The following UGT1A5 variants were observed in gnomAD, a reference collection of about 807,000 sequenced individuals.
UGT1A5 encodes the protein UDP-glucuronosyltransferase 1A5.
A neutral mutation model predicts 40.3 loss-of-function variants in UGT1A5; 29 were observed. The ratio of observed to expected loss-of-function variants is 0.72; its 90% CI spans 0.54 to 0.98. The LOEUF (loss-of-function observed/expected upper bound fraction) is 0.98. Ranked by LOEUF, UGT1A5 falls within the 50% of genes least tolerant of loss-of-function variation. The pLI, the probability that UGT1A5 is intolerant of heterozygous loss-of-function variation, is 0.00. For synonymous variants in UGT1A5, 257 were observed against 262.5 expected, an observed-to-expected ratio of 0.98 and a Z score of 0.20; for missense variants, 678 against 677.9, an observed-to-expected ratio of 1.00 and a Z score of 0.00.
At chr2:233,759,776 G>A (rs1697250630) in intron 1 of UGT1A5, among the ~76,000 whole-genome samples, 1 of 152,160 alleles carries the variant, frequency 6.6e-6, no homozygotes, top group African/African-American at 2.4e-5. Context: ...ATTGTTGGAC[G>A]AAGGAATGAA....
intron 1 of UGT1A5, among the ~76,000 whole-genome samples, chr2:233,730,236 G>A (rs544044923): frequency 9.9e-4 from 150 of 152,270 alleles, no homozygotes; most frequent in African/African-American, 3.5e-3. Context: ...GGATGGACAA[G>A]GACTGGTGTG....
chr2:233,744,136 G>A, intron 1 of UGT1A5: 1 of 352,326 alleles, frequency 2.8e-6, no homozygotes, highest in Non-Finnish European at 5.4e-6. Flanking sequence ...GTGAGGCCCT[G>A]TGATGCTCCA....
chr2:233,737,830 A>T (rs1690602817), intron 1 of UGT1A5, among the ~76,000 whole-genome samples: 1 of 152,126 alleles, frequency 6.6e-6, no homozygotes, highest in South Asian at 2.1e-4. Flanking sequence ...ACAAATTGGG[A>T]ACTGTGGCAC....
intron 1 of UGT1A5, 145 bp from the exon 2 acceptor site, chr2:233,766,889 C>A: frequency 6.8e-7 from 1 of 1,464,614 alleles, no homozygotes; most frequent in Non-Finnish European, 9.0e-7. Context: ...GTAAAACTTA[C>A]ATATTAATAA....
At chr2:233,747,116 TG>T (rs1693565638) in intron 1 of UGT1A5, 1 of 1,446,720 alleles carries the variant, frequency 6.9e-7, no homozygotes, top group African/African-American at 1.4e-5. Context: ...CATGATGATT[TG>T]CTAAGTGGCT....
chr2:233,759,342 C>T (rs1337999825), intron 1 of UGT1A5, among the ~76,000 whole-genome samples: 5 of 152,112 alleles, frequency 3.3e-5, no homozygotes, highest in African/African-American at 9.7e-5. Flanking sequence ...TTCAGGTGAG[C>T]GCTGAAAATC....
intron 4 of UGT1A5, among the ~76,000 whole-genome samples, chr2:233,772,034 G>A (rs1488407782): frequency 1.3e-5 from 2 of 152,152 alleles, no homozygotes; most frequent in African/African-American, 2.4e-5. Context: ...GATGGCTTGA[G>A]CCCAGGAGTT....
chr2:233,729,041 C>G, intron 1 of UGT1A5: 1 of 1,605,398 alleles, frequency 6.2e-7, no homozygotes, highest in East Asian at 2.2e-5. Context: ...CTAAGTGGCT[C>G]AGTGACAAGG....
chr2:233,756,137 T>C (rs776575222), intron 1 of UGT1A5: 2 of 152,178 alleles, frequency 1.3e-5, no homozygotes, highest in Non-Finnish European at 2.9e-5. Context: ...TCCTGAAAAA[T>C]TACTGGGGAT....
At chr2:233,757,558 A>ATATATATATATG (rs1553619909) in intron 1 of UGT1A5, among the ~76,000 whole-genome samples, 2 of 124,446 alleles carry the variant, frequency 1.6e-5, no homozygotes, top group East Asian at 4.2e-4. Context: ...ATATATATAT[A>ATATATATATATG]TATGTATATA....
At chr2:233,756,094 T>C (rs908379674) in intron 1 of UGT1A5, 2 of 152,220 alleles carry the variant, frequency 1.3e-5, no homozygotes, top group African/African-American at 4.8e-5. Flanking sequence ...CAAGTAACAT[T>C]ATTACGGAAA....
chr2:233,747,593 T>A (rs1693725336), intron 1 of UGT1A5: 2 of 1,577,004 alleles, frequency 1.3e-6, no homozygotes, highest in Non-Finnish European at 1.7e-6. Flanking sequence ...TTCATAGGTC[T>A]TGTGTGGAGC....
In UGT1A5 at chr2:233,769,812, GC is replaced by G; in HGVS notation, c.1307+1375del. The G allele has an allele frequency of 1.0e-6, 1 of 971,458 alleles. No individual in the cohort carries two copies. Among genetic ancestry groups the G allele is most frequent in the African/African-American group, 1.7e-5 (1 of 59,662 alleles). The allele number at this position is 971,458 out of a possible 1,614,324, so 60.2% of individuals were successfully genotyped here. A position where few individuals can be genotyped will look rare whatever the true frequency, so the allele number is the denominator to read the frequency against. On this transcript the variant is annotated intron_variant, in intron 4 of 4. Coordinates refer to ENST00000373414, the MANE Select transcript of UGT1A5 (RefSeq NM_019078.2). This position sits in a 1 kb window ranked among gnomAD's most constrained non-coding sequence, Gnocchi z 4.4. The stretch of plus-strand genomic sequence containing the variant: ...GGAGGCTGCTATGAGCCGTGATCAT[GC>G]CACTGCACTCCAGCAACCTGGGCAA...
At position 233,713,460 on chromosome 2, in the gene UGT1A5, T is replaced by C; in HGVS notation, c.469T>C (p.Cys157Arg). 2.5e-6 allele frequency: 4 copies of C among 1,614,160 alleles called. No homozygotes were observed. Among genetic ancestry groups the C allele is most frequent in the Non-Finnish European group, 3.4e-6 (4 of 1,179,996 alleles). ...DVVLTDPFHL[C>R]AAVLAKYLSI... ...GGTTCTAACAGACCCCTTTCACCTCTGCGCGGCGGTGCTGGCTAAGTACCT... is the reference window on the plus strand; with the variant it reads ...GGTTCTAACAGACCCCTTTCACCTCCGCGCGGCGGTGCTGGCTAAGTACCT... Residue 157 changes from cysteine to arginine, a missense_variant, in exon 1 of 5, where the codon TGC (cysteine) becomes CGC (arginine). By Grantham distance (180) the Cys-to-Arg change is radical. Coordinates refer to ENST00000373414, the MANE Select transcript of UGT1A5 (RefSeq NM_019078.2).
chr2:233,743,059 A>T (rs1424842143), intron 1 of UGT1A5: 1 of 324,044 alleles, frequency 3.1e-6, no homozygotes, highest in Non-Finnish European at 6.0e-6. Context: ...CCCAACGATA[A>T]GAACAGGTGT....
At chr2:233,747,723 T>C in intron 1 of UGT1A5, 1 of 1,612,498 alleles carries the variant, frequency 6.2e-7, no homozygotes, top group Non-Finnish European at 8.5e-7. Flanking sequence ...TCCTGCTGTG[T>C]TTTTTTTGAG....
At chr2:233,747,075 A>G in intron 1 of UGT1A5, 1 of 1,060,426 alleles carries the variant, frequency 9.4e-7, no homozygotes. Flanking sequence ...GTAATAATTA[A>G]CTAGGAGGAG....
intron 1 of UGT1A5, among the ~76,000 whole-genome samples, chr2:233,725,264 GGAGGCAGAGGCAGAGGCAGAGGCA>G (rs551912265): frequency 0.039 from 2,279 of 58,516 alleles, 576 homozygotes; most frequent in South Asian, 0.073. Context: ...CAGAGGCAGA[GGAGGCAGAGGCAGAGGCAGAGGCA>G]GAGGCAGAGG....
At chr2:233,753,025 C>CA in intron 1 of UGT1A5, among the ~76,000 whole-genome samples, 1 of 152,200 alleles carries the variant, frequency 6.6e-6, no homozygotes, top group East Asian at 1.9e-4. Context: ...ATTTACAACA[C>CA]AAAAAACTAC....
Sources: gnomAD v4.1 joint callset for allele counts (sites outside exome capture counted in the v4.1 genomes callset) on GRCh38, gnomAD v4.1.1 for gene constraint, Gnocchi (gnomAD v3.1) non-coding constraint, MANE v1.5 for transcripts, NCBI Gene and HGNC (gene_info 2026-07-23, HGNC 2026-07-21) for gene names.